NRG3: variants seen among roughly 807,000 people sequenced by gnomAD.
NRG3 encodes neuregulin 3, also known as pro-neuregulin-3, membrane-bound isoform.
In NRG3, 31 loss-of-function variants were observed where a neutral mutation model predicts 66.9. The ratio of observed to expected loss-of-function variants is 0.46; its 90% CI spans 0.35 to 0.63. NRG3 has a LOEUF of 0.63. Among genes scored for constraint, NRG3 ranks in the 20% least tolerant of loss-of-function variants. NRG3 has a pLI of 0.00. For synonymous variants in NRG3, 393 were observed against 359.4 expected, an observed-to-expected ratio of 1.09 and a Z score of -1.06; for missense variants, 910 against 878.9, an observed-to-expected ratio of 1.04 and a Z score of -0.45.
chr10:82,443,678 G>A (rs2090560945), intron 2 of NRG3, among the ~76,000 whole-genome samples: 1 of 152,158 alleles, frequency 6.6e-6, no homozygotes, highest in African/African-American at 2.4e-5. Flanking sequence ...CCAACAAAAT[G>A]TGTCAATCAA....
chr10:82,740,855 C>A (rs1425576508), intron 3 of NRG3, among the ~76,000 whole-genome samples: 2 of 148,910 alleles, frequency 1.3e-5, no homozygotes, highest in African/African-American at 4.9e-5. Context: ...AAAAATTATA[C>A]CTCTCTGAAA....
chr10:81,894,527 A>C (rs554628772), intron 1 of NRG3, among the ~76,000 whole-genome samples: 2 of 152,206 alleles, frequency 1.3e-5, no homozygotes, highest in African/African-American at 4.8e-5. Context: ...AATCACCACC[A>C]AATACAGTCA....
chr10:82,756,247 T>C (rs1043139098), intron 3 of NRG3, among the ~76,000 whole-genome samples: 7 of 152,134 alleles, frequency 4.6e-5, no homozygotes, highest in Non-Finnish European at 1.0e-4. Flanking sequence ...CGTCTGTTTA[T>C]TCTTTTCTAC....
In NRG3 at chr10:82,665,851, A is replaced by G. The variant is rs547255413; in HGVS notation, c.954-72726A>G. On this transcript the variant is annotated intron_variant, in intron 2 of 8. Transcript: ENST00000372141. ...CATCCACTCTACTAGCTTTGCTCCA[A>G]TTATCTGGCTACTACTTCATTTTTT... Among the ~76,000 whole-genome samples, 96 of 152,110 alleles carry G rather than the reference A, an allele frequency of 6.3e-4. 1 individual carries two copies. The South Asian group carries it at 0.017, about 28-fold the overall frequency.
intron 2 of NRG3, among the ~76,000 whole-genome samples, chr10:82,668,696 A>G (rs1188397860): frequency 6.6e-6 from 1 of 152,198 alleles, no homozygotes; most frequent in East Asian, 1.9e-4. Flanking sequence ...CTCCATCAGC[A>G]GCTGTTGCGT....
chr10:82,021,786 ATGTG>A (rs71950373), intron 1 of NRG3, among the ~76,000 whole-genome samples: 14,840 of 59,546 alleles, frequency 0.25, 765 homozygotes, highest in East Asian at 0.4. Flanking sequence ...GGCATGTAGT[ATGTG>A]TGTGTGTGTG....
intron 1 of NRG3, among the ~76,000 whole-genome samples, chr10:81,935,303 G>C (rs1217022606): frequency 6.6e-6 from 1 of 152,068 alleles, no homozygotes; most frequent in Non-Finnish European, 1.5e-5. Context: ...TCATTTTGGG[G>C]AAAAAATAAC....
intron 1 of NRG3, among the ~76,000 whole-genome samples, chr10:82,074,929 G>A (rs1014658936): frequency 6.6e-6 from 1 of 152,150 alleles, no homozygotes; most frequent in Non-Finnish European, 1.5e-5. Flanking sequence ...TCTTTTGCCA[G>A]CAGTATATGA....
intron 4 of NRG3, among the ~76,000 whole-genome samples, chr10:82,924,743 G>A (rs1372501915): frequency 6.6e-6 from 1 of 152,118 alleles, no homozygotes; most frequent in Non-Finnish European, 1.5e-5. Context: ...GTAGGAGTAA[G>A]CTTCATGACA....
intron 2 of NRG3, among the ~76,000 whole-genome samples, chr10:82,479,954 C>G (rs985117576): frequency 5.3e-5 from 8 of 152,238 alleles, no homozygotes; most frequent in African/African-American, 9.6e-5. Context: ...GGCTACAGAG[C>G]GAGACTGCGT....
chr10:82,330,895 G>T (rs1183974745), intron 1 of NRG3, among the ~76,000 whole-genome samples: 1 of 152,166 alleles, frequency 6.6e-6, no homozygotes, highest in African/African-American at 2.4e-5. Context: ...TAATGTCTCA[G>T]TTCTGGCCAT....
chr10:82,905,362 T>G (rs1844630650), intron 4 of NRG3, among the ~76,000 whole-genome samples: 1 of 152,158 alleles, frequency 6.6e-6, no homozygotes, highest in Non-Finnish European at 1.5e-5. Context: ...TTTCTTTGTC[T>G]TCTTCTTCTG....
At chr10:82,551,920 T>C (rs2044334589) in intron 2 of NRG3, among the ~76,000 whole-genome samples, 1 of 152,156 alleles carries the variant, frequency 6.6e-6, no homozygotes, top group Non-Finnish European at 1.5e-5. Context: ...TTTTTTAGTC[T>C]ACATGTTCAT....
At chr10:82,513,728 C>T (rs1260154768) in intron 2 of NRG3, among the ~76,000 whole-genome samples, 1 of 151,844 alleles carries the variant, frequency 6.6e-6, no homozygotes, top group African/African-American at 2.4e-5. Context: ...TGCAGTGGGC[C>T]GAAATTGAGC....
intron 1 of NRG3, among the ~76,000 whole-genome samples, chr10:82,286,160 C>CT (rs2079406270): frequency 1.3e-5 from 2 of 152,052 alleles, no homozygotes. Flanking sequence ...GGGTAAGAGT[C>CT]TAAGAAATTG....
chr10:82,639,509 C>G (rs1019895666), intron 2 of NRG3, among the ~76,000 whole-genome samples: 2 of 152,194 alleles, frequency 1.3e-5, no homozygotes, highest in African/African-American at 4.8e-5. Context: ...CTAGTCATCA[C>G]CACAGTTGGT....
intron 1 of NRG3, among the ~76,000 whole-genome samples, chr10:82,231,837 A>G (rs1425244156): frequency 6.6e-6 from 1 of 152,200 alleles, no homozygotes; most frequent in Non-Finnish European, 1.5e-5. Context: ...ATATGTCTTC[A>G]TAAATTCTCT....
intron 2 of NRG3, among the ~76,000 whole-genome samples, chr10:82,450,553 A>G (rs781151294): frequency 3.3e-5 from 5 of 152,140 alleles, no homozygotes; most frequent in Non-Finnish European, 5.9e-5. Context: ...CCTCTTCTGG[A>G]GCAGATTTGA....
At chr10:82,014,891 C>T (rs1429726788) in intron 1 of NRG3, among the ~76,000 whole-genome samples, 1 of 151,992 alleles carries the variant, frequency 6.6e-6, no homozygotes, top group African/African-American at 2.4e-5. Flanking sequence ...CTAAATTGGC[C>T]AGCAAGGAAC....
Sources: gnomAD v4.1 joint callset for allele counts (sites outside exome capture counted in the v4.1 genomes callset) on GRCh38, gnomAD v4.1.1 for gene constraint, MANE v1.5 for transcripts, NCBI Gene and HGNC (gene_info 2026-07-23, HGNC 2026-07-21) for gene names.